Variants in CEPT1 observed in about 807,000 individuals in gnomAD.
CEPT1 encodes the protein choline/ethanolaminephosphotransferase 1.
In CEPT1, 7 loss-of-function variants were observed where a neutral mutation model predicts 42.6. The ratio of observed to expected loss-of-function variants is 0.16; its 90% CI spans 0.09 to 0.31. The LOEUF is 0.31. CEPT1 is among the 10% of genes least tolerant of loss of function. The pLI is 1.00. For synonymous variants in CEPT1, 171 were observed against 171.9 expected (o/e 0.99, Z 0.04); for missense variants, 306 against 502.1 (o/e 0.61, Z 3.73).
chr1:111,174,572 A>ATT (rs35283206), intron 4 of CEPT1, among the ~76,000 whole-genome samples: 2 of 145,290 alleles, frequency 1.4e-5, no homozygotes, highest in African/African-American at 2.5e-5. Context: ...TACCTCCTCA[A>ATT]TTTTTTTTTT....
chr1:111,163,257 A>G (rs1285853912), intron 4 of CEPT1, among the ~76,000 whole-genome samples: 3 of 152,194 alleles, frequency 2.0e-5, no homozygotes, highest in Admixed American at 1.3e-4. Flanking sequence ...AATTGTATCC[A>G]ATTTTCAGAA....
At chr1:111,176,648 G>C (rs999984166) in intron 5 of CEPT1, among the ~76,000 whole-genome samples, 2 of 152,154 alleles carry the variant, frequency 1.3e-5, no homozygotes, top group Non-Finnish European at 2.9e-5. Context: ...TACAATATTT[G>C]CATATACATG....
intron 6 of CEPT1, chr1:111,182,535 C>T: frequency 1.7e-6 from 1 of 575,876 alleles, no homozygotes. Context: ...CACACAAACA[C>T]ACTTATTCAC....
intron 4 of CEPT1, among the ~76,000 whole-genome samples, chr1:111,169,925 C>A (rs1656337821): frequency 6.6e-6 from 1 of 152,170 alleles, no homozygotes; most frequent in Non-Finnish European, 1.5e-5. Flanking sequence ...AGTCACTTGA[C>A]CTTTCTAAAT....
chr1:111,173,539 C>G (rs1295571223), intron 4 of CEPT1, among the ~76,000 whole-genome samples: 1 of 152,032 alleles, frequency 6.6e-6, no homozygotes, highest in Non-Finnish European at 1.5e-5. Flanking sequence ...GGAATTGAAT[C>G]CCTTTGCTGT....
intron 4 of CEPT1, among the ~76,000 whole-genome samples, chr1:111,166,400 C>T (rs1656147671): frequency 6.6e-6 from 1 of 152,120 alleles, no homozygotes; most frequent in African/African-American, 2.4e-5. Flanking sequence ...TTACTTTTAT[C>T]ACTAGTAAAC....
At chr1:111,160,529 A>G (rs1186240308) in intron 3 of CEPT1, 2 of 152,724 alleles carry the variant, frequency 1.3e-5, no homozygotes, top group Admixed American at 6.5e-5. Flanking sequence ...AGGTCATATA[A>G]TTTTTTAAGA....
At chr1:111,183,017 G>A in intron 7 of CEPT1, 60 bp downstream of exon 7, 4 of 1,512,522 alleles carry the variant, frequency 2.6e-6, no homozygotes, top group Non-Finnish European at 2.7e-6. Flanking sequence ...TGGATTTATG[G>A]CTATAGTTCT....
intron 2 of CEPT1, among the ~76,000 whole-genome samples, chr1:111,159,157 C>T (rs111830122): frequency 6.7e-6 from 1 of 149,790 alleles, no homozygotes; most frequent in African/African-American, 2.5e-5. Context: ...CCTCGTGATC[C>T]GCCCGCCTCG....
chr1:111,173,741 T>G (rs1278946280), intron 4 of CEPT1, among the ~76,000 whole-genome samples: 1 of 152,212 alleles, frequency 6.6e-6, no homozygotes, highest in Admixed American at 6.5e-5. Context: ...AAATTTGTTA[T>G]GCAATTACTG....
chr1:111,152,016 C>T (rs1053008591), intron 2 of CEPT1, among the ~76,000 whole-genome samples: 5 of 152,236 alleles, frequency 3.3e-5, no homozygotes, highest in African/African-American at 1.2e-4. Flanking sequence ...TAAAAATCAA[C>T]AGTTTAGTCC....
At chr1:111,180,367 T>A (rs1656909701) in intron 5 of CEPT1, 1 of 152,166 alleles carries the variant, frequency 6.6e-6, no homozygotes, top group African/African-American at 2.4e-5. Context: ...GCCAGGTGCA[T>A]CAGATTGAGA....
rs113554849 is a variant in CEPT1 at position 111,160,746 on chromosome 1, A to T, written c.488-409A>T. On this transcript the variant is annotated intron_variant, in intron 3 of 8. Transcript: ENST00000357172. ...ATGTCACCCATAACAATATCTGTTT[A>T]AAAAAAAAAAGACAGTTATCAATCT... 6 of 144,472 alleles carry T rather than the reference A, an allele frequency of 4.2e-5. No homozygotes were observed. The South Asian group carries it at 5.4e-4, about 13-fold the overall frequency. 8.9% of individuals were successfully genotyped at this position (144,472 alleles called of 1,614,324 possible).
Position 111,147,736 on chromosome 1 carries a change from A to C in CEPT1, c.22A>C (p.Arg8=). 2 of 1,610,096 alleles carry C rather than the reference A, an allele frequency of 1.2e-6. No individual in the cohort carries two copies. The highest frequency in any genetic ancestry group is 1.7e-6 in the Non-Finnish European group (2 of 1,177,096). MSGHRST[R]KRCGDSHPES... ...ATCCATGAGTGGGCATCGATCAACA[A>C]GGAAAAGATGTGGAGATTCTCACCC... is the stretch of plus-strand genomic sequence containing the variant. Residue 8 remains arginine, a synonymous_variant, in exon 2 of 9, where the codon AGG becomes CGG. Coordinates refer to ENST00000357172, the MANE Select transcript of CEPT1 (RefSeq NM_006090.5).
At chr1:111,175,576 G>A (rs1162820309) in intron 5 of CEPT1, among the ~76,000 whole-genome samples, 1 of 152,058 alleles carries the variant, frequency 6.6e-6, no homozygotes, top group African/African-American at 2.4e-5. Context: ...CAGGTTCCAT[G>A]GCCTACTGTG....
At chr1:111,156,327 T>A (rs895015267) in intron 2 of CEPT1, among the ~76,000 whole-genome samples, 4 of 152,234 alleles carry the variant, frequency 2.6e-5, no homozygotes, top group African/African-American at 9.6e-5. Context: ...GCCTCACACA[T>A]GGTTTGTCCT....
chr1:111,143,957 T>A (rs1470364505), intron 1 of CEPT1, among the ~76,000 whole-genome samples: 1 of 152,180 alleles, frequency 6.6e-6, no homozygotes, highest in Non-Finnish European at 1.5e-5. Context: ...CTTAAACTCC[T>A]GAGCTCAGGT....
At chr1:111,163,081 T>C (rs1237307510) in intron 4 of CEPT1, among the ~76,000 whole-genome samples, 1 of 151,712 alleles carries the variant, frequency 6.6e-6, no homozygotes, top group Non-Finnish European at 1.5e-5. Context: ...AGTTCTAGGG[T>C]AAAAGGCAGA....
At chr1:111,182,341 A>G (rs762950926) in intron 6 of CEPT1, 23 bp downstream of exon 6, 8 of 1,606,492 alleles carry the variant, frequency 5.0e-6, no homozygotes, top group Middle Eastern at 1.7e-4. Context: ...TAAGATTTTC[A>G]ACACTTGTTT....
Sources: allele counts gnomAD v4.1 joint callset (sites outside exome capture counted in the v4.1 genomes callset), GRCh38; gene constraint gnomAD v4.1.1; transcripts MANE v1.5; gene names NCBI Gene and HGNC (gene_info 2026-07-23, HGNC 2026-07-21).